POLR1H: variants seen among roughly 807,000 people sequenced by gnomAD.
POLR1H encodes the protein RNA polymerase I subunit H.
A neutral mutation model predicts 15.8 loss-of-function variants in POLR1H; 5 were observed. The ratio of observed to expected loss-of-function variants is 0.32; its 90% confidence interval spans 0.17 to 0.67. The LOEUF (loss-of-function observed/expected upper bound fraction) is 0.67, where lower values mean the gene tolerates loss of function less well. Among genes scored for constraint, POLR1H ranks in the 30% least tolerant of loss-of-function variants. The pLI is 0.74. For missense variants in POLR1H, 100 were observed against 163.4 expected (o/e 0.61, Z 2.11); for synonymous variants, 43 against 58.3 (o/e 0.74, Z 1.20).
At position 30,061,417 on chromosome 6, in the gene POLR1H, C is replaced by G; in HGVS notation, c.-108C>G. The G allele has an allele frequency of 7.6e-7, 1 of 1,310,078 alleles. No individual in the cohort carries two copies. The highest frequency in any genetic ancestry group is 2.2e-5 in the Admixed American group (1 of 46,014). 81.2% of individuals were successfully genotyped at this position (1,310,078 alleles called of 1,614,324 possible). A position where few individuals can be genotyped will look rare whatever the true frequency, so the allele number is the denominator to read the frequency against. Reference sequence around the variant, plus strand: ...AGGAGGCGTGCGTGGCAGGAGGGTTCGGGTTATATACTCCTAGGTCCTGGG... The same window carrying G: ...AGGAGGCGTGCGTGGCAGGAGGGTTGGGGTTATATACTCCTAGGTCCTGGG... On this transcript the variant is annotated 5_prime_UTR_variant, in exon 1 of 4. Transcript: ENST00000332435. This position sits in a 1 kb window ranked among gnomAD's most constrained non-coding sequence, Gnocchi z 5.0.
In POLR1H at chr6:30,061,596, C is replaced by G. The variant is rs751631985; in HGVS notation, c.72C>G (p.Gly24=). Residue 24 remains glycine, a synonymous_variant, in exon 1 of 4, where the codon GGC becomes GGG. Transcript: ENST00000332435. The surrounding 1 kb of genome is among the most constrained non-coding windows in gnomAD (Gnocchi z 5.0). ...ACCTGGATTTCTGTTCAGATTGCGG[C>G]TCGGTCCTGCCTCTGCCCGGGGCTC... ...QSDLDFCSDC[G]SVLPLPGAQD... 6.8e-6 allele frequency: 11 copies of G among 1,613,090 alleles called. No homozygotes were observed. Among genetic ancestry groups the G allele is most frequent in the Admixed American group, 5.0e-5 (3 of 60,028 alleles).
intron 3 of POLR1H, among the ~76,000 whole-genome samples, chr6:30,062,602 G>C (rs892033762): frequency 4.0e-5 from 5 of 125,104 alleles, no homozygotes; most frequent in African/African-American, 1.5e-4. Context: ...CTAGCCTGGA[G>C]TGCAGCGAGG....
Position 30,061,710 on chromosome 6 carries a change from G to T in POLR1H, c.145+41G>T, listed in dbSNP as rs1215072206. The T allele has an allele frequency of 6.2e-7, 1 of 1,610,592 alleles. No individual in the cohort carries two copies. Among genetic ancestry groups the T allele is most frequent in the South Asian group, 1.1e-5 (1 of 91,018 alleles). ...GCAGGGGTCCTGGCGGAGGGCGCAG[G>T]GTCGGAAGCTTGGGGAACTCAAGAT... On this transcript the variant is annotated intron_variant, in intron 1 of 3. Coordinates refer to ENST00000332435, the MANE Select transcript of POLR1H (RefSeq NM_170783.4). The surrounding 1 kb of genome is among the most constrained non-coding windows in gnomAD (Gnocchi z 5.0).
chr6:30,064,342 G>T (rs181298989), intron 3 of POLR1H, among the ~76,000 whole-genome samples: 1 of 149,528 alleles, frequency 6.7e-6, no homozygotes, highest in African/African-American at 2.5e-5. Context: ...TTTTCCCAGC[G>T]TGTGGCTTGC....
rs1043781069 is a variant in POLR1H, at chr6:30,062,243, G to T, written c.266G>T (p.Arg89Leu). Residue 89 changes from arginine to leucine, a missense_variant, in exon 3 of 4, where the codon CGA (arginine) becomes CTA (leucine). Physicochemically the swap from Arg to Leu is moderately radical, Grantham distance 102. This residue lies in a region of POLR1H where 87 missense variants were observed against 119.8 expected (regional missense o/e 0.73). Transcript: ENST00000332435. ...TCCCAGGTTGACAGGCGCTGCCCTCGATGTGGTCATGAAGGAATGGCATAC... is the reference window on the plus strand; with the variant it reads ...TCCCAGGTTGACAGGCGCTGCCCTCTATGTGGTCATGAAGGAATGGCATAC... ...QGPVVDRRCP[R>L]CGHEGMAYHT... 6.2e-7 allele frequency: 1 copy of T among 1,612,996 alleles called. No individual in the cohort carries two copies. Among genetic ancestry groups the T allele is most frequent in the Admixed American group, 1.7e-5 (1 of 60,028 alleles).
chr6:30,060,575 G>A (rs3757328), upstream of POLR1H: 14,617 of 152,166 alleles, frequency 0.096, 1,203 homozygotes, highest in African/African-American at 0.22. Context: ...TATCTGGCAG[G>A]AGTCGAAGGA....
chr6:30,061,806 T>G lies in POLR1H; in HGVS notation c.146-111T>G. 6.4e-7 allele frequency: 1 copy of G among 1,552,752 alleles called. No homozygotes were observed. The highest frequency in any genetic ancestry group is 8.8e-7 in the Non-Finnish European group (1 of 1,136,748). ...GTACATTTGGTCTAGCGATGAAAAC[T>G]GAGGGAAAGGATGTAGGGCCTCCTG... On this transcript the variant is annotated intron_variant, in intron 1 of 3. Transcript: ENST00000332435. This position sits in a 1 kb window ranked among gnomAD's most constrained non-coding sequence, Gnocchi z 5.0.
chr6:30,061,054 T>C (rs1150742), upstream of POLR1H: 36,577 of 154,678 alleles, frequency 0.24, 4,736 homozygotes, highest in East Asian at 0.3. The surrounding 1 kb of genome is among the most constrained non-coding windows in gnomAD (Gnocchi z 5.0). Context: ...GTGGGAAAAT[T>C]TGCTGGAAGC....
In POLR1H at chr6:30,061,482, C is replaced by A. The variant is rs16896958; in HGVS notation, c.-43C>A. 6.2e-7 allele frequency: 1 copy of A among 1,607,270 alleles called. No individual in the cohort carries two copies. Reference sequence around the variant, plus strand: ...ACCTCTGGGACAGGAACTCTTCTCTCTTTTGTTAATAAACTTCCAACTCCC... The same window carrying A: ...ACCTCTGGGACAGGAACTCTTCTCTATTTTGTTAATAAACTTCCAACTCCC... On this transcript the variant is annotated 5_prime_UTR_variant, in exon 1 of 4. Transcript: ENST00000332435. This position sits in a 1 kb window ranked among gnomAD's most constrained non-coding sequence, Gnocchi z 5.0.
chr6:30,062,117 G>C, intron 2 of POLR1H, 100 bp downstream of exon 2: 1 of 1,455,828 alleles, frequency 6.9e-7, no homozygotes, highest in Non-Finnish European at 9.6e-7. Flanking sequence ...AATTCCAAGA[G>C]GGAAAAGAGA....
Position 30,064,660 on chromosome 6 carries a change from T to C in POLR1H, c.357-13T>C, listed in dbSNP as rs1426715213. ...CTTTTGGTGAATATAACAAGTCCTTTCTTTCCTCATAGGTTCCAGGAGAAG... is the reference window on the plus strand; with the variant it reads ...CTTTTGGTGAATATAACAAGTCCTTCCTTTCCTCATAGGTTCCAGGAGAAG... On this transcript the variant is annotated splice_polypyrimidine_tract_variant and intron_variant, in intron 3 of 3. Transcript: ENST00000332435. 1 of 1,606,868 alleles carries C rather than the reference T, an allele frequency of 6.2e-7. No homozygotes were observed. Among genetic ancestry groups the C allele is most frequent in the Non-Finnish European group, 8.5e-7 (1 of 1,177,706 alleles).
Position 30,064,768 on chromosome 6 carries a change from C to G in POLR1H, c.*71C>G. 7.3e-7 allele frequency: 1 copy of G among 1,361,436 alleles called. No individual in the cohort carries two copies. The highest frequency in any genetic ancestry group is 1.2e-5 in the South Asian group (1 of 80,778). The allele number at this position is 1,361,436 out of a possible 1,614,324, so 84.3% of individuals were successfully genotyped here. A position where few individuals can be genotyped will look rare whatever the true frequency, so the allele number is the denominator to read the frequency against. On this transcript the variant is annotated 3_prime_UTR_variant, in exon 4 of 4. Coordinates refer to ENST00000332435, the MANE Select transcript of POLR1H (RefSeq NM_170783.4). ...TGAAGGATACTGGGTTTTTAGATGCCTTGTCCATCCTGTCTGGTTGCAATG... is the reference window on the plus strand; with the variant it reads ...TGAAGGATACTGGGTTTTTAGATGCGTTGTCCATCCTGTCTGGTTGCAATG...
intron 3 of POLR1H, among the ~76,000 whole-genome samples, chr6:30,062,921 A>C (rs1765231817): frequency 6.6e-6 from 1 of 151,188 alleles, no homozygotes; most frequent in Non-Finnish European, 1.5e-5. Flanking sequence ...ACAACATAAG[A>C]AGCAGGTATT....
chr6:30,062,714 C>CTTTTTTTTTTTTTTTTTTTTTT (rs9278555), intron 3 of POLR1H, among the ~76,000 whole-genome samples: 2 of 42,386 alleles, frequency 4.7e-5, no homozygotes, highest in Non-Finnish European at 8.4e-5. Flanking sequence ...CCACGCCTGG[C>CTTTTTTTTTTTTTTTTTTTTTT]TTTTTTTTTT....
Position 30,061,944 on chromosome 6 carries a change from C to T in POLR1H, c.173C>T (p.Ser58Leu). The T allele has an allele frequency of 1.9e-6, 3 of 1,612,962 alleles. No homozygotes were observed. Among genetic ancestry groups the T allele is most frequent in the African/African-American group, 1.3e-5 (1 of 74,994 alleles). ...TTTGAGGGGAAGGTTGTGAAGACTT[C>T]GGTTGTGTTCCACCAACTGGGGACA... is the stretch of plus-strand genomic sequence containing the variant. ...RDFEGKVVKT[S>L]VVFHQLGTAM... Residue 58 changes from serine (S) to leucine (L), a missense_variant, in exon 2 of 4, where the codon TCG (serine) becomes TTG (leucine). Physicochemically the swap from Ser to Leu is moderately radical, Grantham distance 145 (BLOSUM62 -2). Around this residue, in one of 2 missense-constraint regions of POLR1H, gnomAD observed 87 missense variants for 119.8 expected, o/e 0.73. Coordinates refer to ENST00000332435, the MANE Select transcript of POLR1H (RefSeq NM_170783.4). The surrounding 1 kb of genome is among the most constrained non-coding windows in gnomAD (Gnocchi z 5.0).
chr6:30,063,311 A>G lies in POLR1H; in HGVS notation c.356+978A>G, dbSNP rs554395027. On this transcript the variant is annotated intron_variant, in intron 3 of 3. Transcript: ENST00000332435. This position sits in a 1 kb window ranked among gnomAD's most constrained non-coding sequence, Gnocchi z 4.1. Reference sequence around the variant, plus strand: ...TCTCTCACCTTCTTTTCATATTTTCAATTGCTGTTCTCTTTATGCCACCTT... The same window carrying G: ...TCTCTCACCTTCTTTTCATATTTTCGATTGCTGTTCTCTTTATGCCACCTT... Among the ~76,000 whole-genome samples, 12 of 151,804 alleles carry G rather than the reference A, an allele frequency of 7.9e-5. No individual in the cohort carries two copies. The East Asian group carries it at 2.3e-3, about 29-fold the overall frequency.
chr6:30,061,096 T>C (rs1764998562), upstream of POLR1H: 1 of 160,784 alleles, frequency 6.2e-6, no homozygotes, highest in African/African-American at 2.4e-5. This position sits in a 1 kb window ranked among gnomAD's most constrained non-coding sequence, Gnocchi z 5.0. Context: ...GTGCTCAACC[T>C]CTCAGTACCA....
In POLR1H at chr6:30,061,696, G is replaced by A; in HGVS notation, c.145+27G>A. ...TGAGAGGCTTGTACGCAGGGGTCCT[G>A]GCGGAGGGCGCAGGGTCGGAAGCTT... On this transcript the variant is annotated intron_variant, in intron 1 of 3. Coordinates refer to ENST00000332435, the MANE Select transcript of POLR1H (RefSeq NM_170783.4). This position sits in a 1 kb window ranked among gnomAD's most constrained non-coding sequence, Gnocchi z 5.0. 1 of 1,612,050 alleles carries A rather than the reference G, an allele frequency of 6.2e-7. No homozygotes were observed. The highest frequency in any genetic ancestry group is 8.5e-7 in the Non-Finnish European group (1 of 1,179,282).
chr6:30,064,172 C>G (rs1691138760), intron 3 of POLR1H, among the ~76,000 whole-genome samples: 1 of 152,062 alleles, frequency 6.6e-6, no homozygotes, highest in Non-Finnish European at 1.5e-5. Context: ...TTTTACAGAA[C>G]TTTTAACCAG....
Sources: gnomAD v4.1 joint callset for allele counts (sites outside exome capture counted in the v4.1 genomes callset) on GRCh38, gnomAD v4.1.1 for gene constraint, gnomAD v4.1.1 regional missense constraint, Gnocchi (gnomAD v3.1) non-coding constraint, MANE v1.5 for transcripts, NCBI Gene and HGNC (gene_info 2026-07-23, HGNC 2026-07-21) for gene names.